Variants in HEMK2 observed in about 807,000 individuals in gnomAD.
The protein encoded by HEMK2 is HemK methyltransferase 2, ETF1 glutamine and histone H4 lysine.
At chr21:28,841,416 T>TATATATATA in the HEMK2 span, among the ~76,000 whole-genome samples, 24 of 34,432 alleles carry the variant, frequency 7.0e-4, no homozygotes, top group African/African-American at 7.3e-3. Flanking sequence ...ATATATATAT[T>TATATATATA]ATATATATAA....
the HEMK2 span, among the ~76,000 whole-genome samples, chr21:28,595,885 T>C: frequency 6.8e-6 from 1 of 148,118 alleles, no homozygotes; most frequent in Non-Finnish European, 1.5e-5. Context: ...CGCAGGTTCA[T>C]GCCATTCTCC....
chr21:28,578,360 C>T, the HEMK2 span, among the ~76,000 whole-genome samples: 3 of 152,350 alleles, frequency 2.0e-5, no homozygotes, highest in East Asian at 3.9e-4. Flanking sequence ...TAATCACCTC[C>T]TATTCACCCT....
the HEMK2 span, among the ~76,000 whole-genome samples, chr21:28,731,132 G>A: frequency 6.6e-6 from 1 of 152,148 alleles, no homozygotes; most frequent in Non-Finnish European, 1.5e-5. Flanking sequence ...AAAAAGTTGG[G>A]GGAAGGGAGA....
the HEMK2 span, among the ~76,000 whole-genome samples, chr21:28,655,947 T>A: frequency 6.6e-6 from 1 of 152,106 alleles, no homozygotes; most frequent in Non-Finnish European, 1.5e-5. Flanking sequence ...TTTGTACATA[T>A]CCTATCTTAC....
the HEMK2 span, among the ~76,000 whole-genome samples, chr21:28,660,931 C>T: frequency 6.6e-6 from 1 of 152,066 alleles, no homozygotes; most frequent in African/African-American, 2.4e-5. Context: ...TAAAGAACCA[C>T]TTACATACTC....
the HEMK2 span, among the ~76,000 whole-genome samples, chr21:28,638,917 C>G: frequency 2.0e-5 from 3 of 152,180 alleles, no homozygotes; most frequent in African/African-American, 4.8e-5. Flanking sequence ...TGGACAACGT[C>G]ATCACCACCA....
the HEMK2 span, among the ~76,000 whole-genome samples, chr21:28,788,159 CATAT>C: frequency 1.7e-5 from 2 of 118,940 alleles, no homozygotes; most frequent in South Asian, 2.4e-4. Flanking sequence ...TATATGTATA[CATAT>C]ATACTCCATC....
At chr21:28,614,458 A>G in the HEMK2 span, among the ~76,000 whole-genome samples, 1 of 152,128 alleles carries the variant, frequency 6.6e-6, no homozygotes, top group Non-Finnish European at 1.5e-5. Flanking sequence ...ACATTTTGCA[A>G]TTTAACAAAA....
chr21:28,650,223 C>T, the HEMK2 span, among the ~76,000 whole-genome samples: 1 of 152,058 alleles, frequency 6.6e-6, no homozygotes, highest in Non-Finnish European at 1.5e-5. Context: ...AGTGAAACCC[C>T]GTCTCTACTA....
the HEMK2 span, among the ~76,000 whole-genome samples, chr21:28,773,705 C>T: frequency 6.6e-6 from 1 of 152,096 alleles, no homozygotes; most frequent in African/African-American, 2.4e-5. Flanking sequence ...AATTCAAAGA[C>T]AAGGATCATC....
the HEMK2 span, among the ~76,000 whole-genome samples, chr21:28,700,193 A>G: frequency 6.6e-6 from 1 of 152,066 alleles, no homozygotes; most frequent in Non-Finnish European, 1.5e-5. Context: ...CACCCCCACT[A>G]TGTAGCTTTT....
At chr21:28,763,815 G>T in the HEMK2 span, among the ~76,000 whole-genome samples, 1 of 152,056 alleles carries the variant, frequency 6.6e-6, no homozygotes, top group Non-Finnish European at 1.5e-5. Flanking sequence ...AAACCAACTC[G>T]TTTGACTGCC....
chr21:28,672,394 T>C, the HEMK2 span, among the ~76,000 whole-genome samples: 11 of 152,124 alleles, frequency 7.2e-5, no homozygotes, highest in South Asian at 2.3e-3. Flanking sequence ...GAGGACTGCA[T>C]ATGTTTACAA....
At chr21:28,869,256 G>A in the HEMK2 span, among the ~76,000 whole-genome samples, 1 of 152,178 alleles carries the variant, frequency 6.6e-6, no homozygotes. Context: ...CTATTAGAAT[G>A]ATAAATGGAA....
At chr21:28,623,336 AGATGCT>A in the HEMK2 span, among the ~76,000 whole-genome samples, 1 of 152,244 alleles carries the variant, frequency 6.6e-6, no homozygotes, top group Non-Finnish European at 1.5e-5. Context: ...AGGAAACAAC[AGATGCT>A]GGAGAGGATG....
the HEMK2 span, among the ~76,000 whole-genome samples, chr21:28,647,965 T>A: frequency 6.6e-6 from 1 of 152,192 alleles, no homozygotes; most frequent in Admixed American, 6.5e-5. Flanking sequence ...TAGTGATTCT[T>A]GAATGTGACT....
At chr21:28,635,899 G>A in the HEMK2 span, among the ~76,000 whole-genome samples, 1 of 152,144 alleles carries the variant, frequency 6.6e-6, no homozygotes. Context: ...TATGCTTGAG[G>A]AATAGAATAT....
the HEMK2 span, among the ~76,000 whole-genome samples, chr21:28,763,014 GCA>G: frequency 1.3e-5 from 2 of 152,092 alleles, no homozygotes; most frequent in East Asian, 3.9e-4. Flanking sequence ...GAGAAAAATG[GCA>G]CTGGACTGTG....
the HEMK2 span, chr21:28,876,469 CTTCA>C: frequency 6.2e-7 from 1 of 1,604,028 alleles, no homozygotes; most frequent in African/African-American, 1.3e-5. Flanking sequence ...GACCTTTTGT[CTTCA>C]TTATTTTCAA....
Sources: allele counts gnomAD v4.1 joint callset (sites outside exome capture counted in the v4.1 genomes callset), GRCh38; gene constraint gnomAD v4.1.1; transcripts MANE v1.5; gene names NCBI Gene and HGNC (gene_info 2026-07-23, HGNC 2026-07-21).